Variants in FAM135B observed in about 807,000 individuals in gnomAD.
FAM135B encodes family with sequence similarity 135 member B.
Under a neutral mutation model 127.7 loss-of-function variants are expected in FAM135B, and 43 were observed. The ratio of observed to expected loss-of-function variants is 0.34; its 90% CI spans 0.26 to 0.43. The LOEUF is 0.43. Among genes scored for constraint, FAM135B ranks in the 20% least tolerant of loss-of-function variants. The pLI is 1.00. For missense variants in FAM135B, 1,558 were observed against 1,725.6 expected (o/e 0.90, Z 1.72); for synonymous variants, 670 against 665.1 (o/e 1.01, Z -0.11).
At chr8:138,277,588 G>C (rs1240858808) in intron 3 of FAM135B, among the ~76,000 whole-genome samples, 1 of 152,146 alleles carries the variant, frequency 6.6e-6, no homozygotes. Context: ...CCCTTAGCTC[G>C]AGTCAACAAT....
At chr8:138,143,667 G>T (rs1817409041) in intron 15 of FAM135B, among the ~76,000 whole-genome samples, 1 of 152,200 alleles carries the variant, frequency 6.6e-6, no homozygotes, top group Non-Finnish European at 1.5e-5. Context: ...TTGAAGGGCA[G>T]CAACAAGGAA....
chr8:138,343,984 T>C (rs1829228975), intron 2 of FAM135B, among the ~76,000 whole-genome samples: 1 of 152,074 alleles, frequency 6.6e-6, no homozygotes, highest in African/African-American at 2.4e-5. Context: ...CTTGTGCCAT[T>C]TAGTTATACT....
intron 3 of FAM135B, among the ~76,000 whole-genome samples, chr8:138,309,843 C>G (rs951715048): frequency 4.1e-5 from 6 of 146,882 alleles, no homozygotes; most frequent in African/African-American, 1.3e-4. Flanking sequence ...CTACCCTACT[C>G]TTTAAGTCTT....
intron 1 of FAM135B, among the ~76,000 whole-genome samples, chr8:138,496,333 G>T (rs1815390059): frequency 5.3e-5 from 8 of 152,084 alleles, no homozygotes; most frequent in Admixed American, 2.6e-4. Flanking sequence ...CCTGAGCCTG[G>T]CCCCCGGGTT....
In FAM135B at chr8:138,132,455, T is replaced by C; in HGVS notation, c.*138A>G. On this transcript the variant is annotated 3_prime_UTR_variant, in exon 20 of 20. Coordinates refer to ENST00000395297, the MANE Select transcript of FAM135B (RefSeq NM_015912.4). This position sits in a 1 kb window ranked among gnomAD's most constrained non-coding sequence, Gnocchi z 4.5. Reference sequence around the variant, plus strand: ...ATCTCCAAAACAAAAGCACCTCTCATGTCAGGTTCCACCCGAGCCTCCGTC... The same window carrying C: ...ATCTCCAAAACAAAAGCACCTCTCACGTCAGGTTCCACCCGAGCCTCCGTC... The C allele has an allele frequency of 1.4e-6, 1 of 700,646 alleles. No individual in the cohort carries two copies. Among genetic ancestry groups the C allele is most frequent in the Non-Finnish European group, 2.5e-6 (1 of 404,270 alleles). The allele number at this position is 700,646 out of a possible 1,614,324, so 43.4% of individuals were successfully genotyped here. A position where few individuals can be genotyped will look rare whatever the true frequency, so the allele number is the denominator to read the frequency against.
chr8:138,149,655 C>G (rs1563686616), intron 13 of FAM135B, among the ~76,000 whole-genome samples: 1 of 152,106 alleles, frequency 6.6e-6, no homozygotes, highest in African/African-American at 2.4e-5. Flanking sequence ...GCCTCATCAT[C>G]ATCATCATCA....
chr8:138,469,754 A>G (rs771559920), intron 1 of FAM135B, among the ~76,000 whole-genome samples: 61 of 152,224 alleles, frequency 4.0e-4, no homozygotes, highest in Non-Finnish European at 7.3e-4. Context: ...CTAAGGATTA[A>G]TATTTTGGGG....
At chr8:138,495,946 ATTC>A (rs921244533) in intron 1 of FAM135B, among the ~76,000 whole-genome samples, 44 of 152,084 alleles carry the variant, frequency 2.9e-4, no homozygotes, top group African/African-American at 1.0e-3. Context: ...GAGCGATGTG[ATTC>A]TTGTTTTGCT....
At chr8:138,317,854 C>T (rs185642246) in intron 2 of FAM135B, among the ~76,000 whole-genome samples, 11 of 152,300 alleles carry the variant, frequency 7.2e-5, no homozygotes, top group Non-Finnish European at 1.5e-4. Flanking sequence ...TACAAATGAC[C>T]ATGACATGTG....
At chr8:138,301,688 T>C (rs977838698) in intron 3 of FAM135B, among the ~76,000 whole-genome samples, 5 of 152,210 alleles carry the variant, frequency 3.3e-5, no homozygotes, top group African/African-American at 1.2e-4. Flanking sequence ...GGAGTGTGCA[T>C]CTTAGCATCA....
At chr8:138,282,244 T>G (rs908733645) in intron 3 of FAM135B, among the ~76,000 whole-genome samples, 1 of 152,164 alleles carries the variant, frequency 6.6e-6, no homozygotes, top group Non-Finnish European at 1.5e-5. Context: ...CAGAGAAATA[T>G]TTAGATTTCC....
At chr8:138,236,282 G>T (rs1280775223) in intron 7 of FAM135B, among the ~76,000 whole-genome samples, 1 of 151,954 alleles carries the variant, frequency 6.6e-6, no homozygotes, top group African/African-American at 2.4e-5. Flanking sequence ...TTTGAAATCA[G>T]GATTTCCAAG....
At chr8:138,336,869 G>A (rs1211959122) in intron 2 of FAM135B, among the ~76,000 whole-genome samples, 1 of 152,130 alleles carries the variant, frequency 6.6e-6, no homozygotes, top group African/African-American at 2.4e-5. Flanking sequence ...TAAAATACTG[G>A]CAAACCGAAT....
At chr8:138,405,915 G>T (rs1333251391) in intron 1 of FAM135B, among the ~76,000 whole-genome samples, 4 of 152,024 alleles carry the variant, frequency 2.6e-5, no homozygotes, top group Non-Finnish European at 5.9e-5. Context: ...TCTAACTGGT[G>T]TGAGATGGTG....
At chr8:138,195,139 T>A in intron 9 of FAM135B, 119 bp downstream of exon 9, 1 of 851,640 alleles carries the variant, frequency 1.2e-6, no homozygotes. Flanking sequence ...GCTTGGTATC[T>A]AGAGTGAAGT....
chr8:138,198,263 C>T (rs1026973632), intron 7 of FAM135B, among the ~76,000 whole-genome samples: 1 of 152,216 alleles, frequency 6.6e-6, no homozygotes, highest in African/African-American at 2.4e-5. Context: ...TCATCCTTCA[C>T]CTTCTACCAT....
Position 138,148,647 on chromosome 8 carries a change from C to T in FAM135B, c.3321G>A (p.Lys1107=), listed in dbSNP as rs2130693731. The part of the protein sequence containing the change: ...QAKEKFKKEL[K]IEGFLYSDLT... ...AGTCACTGTACAGAAATCCTTCAAT[C>T]TTCAGTTCTTTTTTAAATTTTTCTT... is the stretch of plus-strand genomic sequence containing the variant. Residue 1107 remains lysine, a synonymous_variant, in exon 14 of 20, where the codon AAG becomes AAA. Coordinates refer to ENST00000395297, the MANE Select transcript of FAM135B (RefSeq NM_015912.4). 3.7e-6 allele frequency: 6 copies of T among 1,607,278 alleles called. No homozygotes were observed. Among genetic ancestry groups the T allele is most frequent in the Non-Finnish European group, 5.1e-6 (6 of 1,177,022 alleles).
chr8:138,488,833 A>C (rs552592212), intron 1 of FAM135B, among the ~76,000 whole-genome samples: 2 of 151,880 alleles, frequency 1.3e-5, no homozygotes, highest in South Asian at 2.1e-4. Flanking sequence ...CACCCAGCTA[A>C]TTTTCGTATT....
chr8:138,285,428 T>G (rs942199562), intron 3 of FAM135B, among the ~76,000 whole-genome samples: 2 of 152,168 alleles, frequency 1.3e-5, no homozygotes, highest in African/African-American at 4.8e-5. Flanking sequence ...ATTACAGGCA[T>G]GAGCCACTAC....
Sources: gnomAD v4.1 joint callset for allele counts (sites outside exome capture counted in the v4.1 genomes callset) on GRCh38, gnomAD v4.1.1 for gene constraint, Gnocchi (gnomAD v3.1) non-coding constraint, MANE v1.5 for transcripts, NCBI Gene and HGNC (gene_info 2026-07-23, HGNC 2026-07-21) for gene names.